The following ATG10 variants were observed in gnomAD, a reference collection of about 807,000 sequenced individuals.
ATG10 encodes the protein autophagy related 10.
A neutral mutation model predicts 32.1 loss-of-function variants in ATG10; 30 were observed. That is an observed-to-expected ratio of 0.94 (90% CI 0.70 to 1.27). ATG10 has a LOEUF of 1.27. Ranked by LOEUF, ATG10 falls within the 50% of genes most tolerant of loss-of-function variation. ATG10 has a pLI of 0.00. For missense variants in ATG10, 233 were observed against 262.3 expected (o/e 0.89, Z 0.77); for synonymous variants, 87 against 91.5 (o/e 0.95, Z 0.28).
At chr5:82,188,656 G>A (rs556252280) in intron 5 of ATG10, among the ~76,000 whole-genome samples, 53 of 152,250 alleles carry the variant, frequency 3.5e-4, no homozygotes, top group African/African-American at 1.3e-3. Context: ...GGAGCAGGTG[G>A]AGAAGCCTGG....
At chr5:82,164,662 G>T in intron 4 of ATG10, 125 bp downstream of exon 4, 1 of 951,282 alleles carries the variant, frequency 1.1e-6, no homozygotes, top group Non-Finnish European at 1.5e-6. Flanking sequence ...TGTGGGTGAG[G>T]TAAGGTTTTA....
At chr5:82,025,398 T>A (rs558839370) in intron 2 of ATG10, among the ~76,000 whole-genome samples, 96 of 152,196 alleles carry the variant, frequency 6.3e-4, no homozygotes, top group African/African-American at 2.1e-3. Flanking sequence ...CTTATGAGGG[T>A]GGGGTGTGCT....
At chr5:82,169,219 G>A (rs1743708610) in intron 4 of ATG10, among the ~76,000 whole-genome samples, 1 of 151,732 alleles carries the variant, frequency 6.6e-6, no homozygotes, top group African/African-American at 2.4e-5. Flanking sequence ...AAAAGTGAAA[G>A]AGTTTGAGCA....
chr5:82,242,727 CA>C, intron 5 of ATG10: 1 of 348,866 alleles, frequency 2.9e-6, no homozygotes, highest in Non-Finnish European at 5.6e-6. Context: ...TTTATACCTA[CA>C]AAAACCTATT....
intron 2 of ATG10, among the ~76,000 whole-genome samples, chr5:82,008,581 A>G (rs1762043746): frequency 6.6e-6 from 1 of 152,232 alleles, no homozygotes; most frequent in Admixed American, 6.5e-5. Flanking sequence ...TAAATGAAAA[A>G]TTTTAAAATG....
At chr5:82,241,548 C>T (rs1164430815) in intron 5 of ATG10, among the ~76,000 whole-genome samples, 2 of 152,142 alleles carry the variant, frequency 1.3e-5, no homozygotes, top group Admixed American at 1.3e-4. Flanking sequence ...TTTCACCTGA[C>T]CAACCACACT....
At chr5:82,098,485 T>C (rs1581687912) in intron 3 of ATG10, among the ~76,000 whole-genome samples, 1 of 151,818 alleles carries the variant, frequency 6.6e-6, no homozygotes. Context: ...TAATTTTTGT[T>C]TTTTTAGTAG....
At chr5:82,240,088 A>G (rs1199639287) in intron 5 of ATG10, among the ~76,000 whole-genome samples, 3 of 152,218 alleles carry the variant, frequency 2.0e-5, no homozygotes, top group Non-Finnish European at 2.9e-5. Flanking sequence ...AAGTTAGCAC[A>G]GCCACTATGG....
At chr5:82,109,949 A>G (rs950198022) in intron 3 of ATG10, among the ~76,000 whole-genome samples, 3 of 103,140 alleles carry the variant, frequency 2.9e-5, no homozygotes, top group African/African-American at 9.1e-5. Context: ...GCTATCCCCC[A>G]TCCCCCCACC....
chr5:82,088,953 G>A (rs1663750980), intron 3 of ATG10, among the ~76,000 whole-genome samples: 1 of 151,950 alleles, frequency 6.6e-6, no homozygotes, highest in African/African-American at 2.4e-5. Context: ...TATATGAAAA[G>A]GCAAAGGAAC....
chr5:82,042,542 A>C (rs552586836), intron 2 of ATG10, among the ~76,000 whole-genome samples: 2 of 152,218 alleles, frequency 1.3e-5, no homozygotes, highest in East Asian at 3.8e-4. Flanking sequence ...ACATTAATTC[A>C]AAAGTCCAGA....
intron 2 of ATG10, among the ~76,000 whole-genome samples, chr5:82,029,964 T>C (rs1325252808): frequency 6.6e-6 from 1 of 152,156 alleles, no homozygotes; most frequent in Non-Finnish European, 1.5e-5. Context: ...GTCACATGTA[T>C]TGGTGGCAGA....
chr5:82,253,481 C>G, intron 7 of ATG10, 52 bp downstream of exon 7: 2 of 1,233,768 alleles, frequency 1.6e-6, no homozygotes, highest in Admixed American at 1.7e-5. Context: ...ATCAATGTCT[C>G]CATTGCATTT....
At position 82,082,405 on chromosome 5, in the gene ATG10, T is replaced by A. The variant is rs1311432138; in HGVS notation, c.216+23803T>A. ...TACTTTCTTATATCTTCAAAATTTG[T>A]TAAACCCAGAAATATCTCAGTAAAT... On this transcript the variant is annotated intron_variant, in intron 3 of 7. Coordinates refer to ENST00000282185, the MANE Select transcript of ATG10 (RefSeq NM_031482.5). 2.0e-5 allele frequency among the ~76,000 whole-genome samples: 3 copies of A among 152,204 alleles called. No individual in the cohort carries two copies. The East Asian group carries it at 5.8e-4, about 29-fold the overall frequency.
chr5:81,991,966 A>G (rs1761477277), intron 2 of ATG10: 1 of 152,090 alleles, frequency 6.6e-6, no homozygotes, highest in Non-Finnish European at 1.5e-5. Context: ...AGCTGGGACC[A>G]CAAATGTGCA....
intron 2 of ATG10, among the ~76,000 whole-genome samples, chr5:81,995,090 C>T (rs543171080): frequency 6.6e-6 from 1 of 151,926 alleles, no homozygotes. Flanking sequence ...GAGATGCAAC[C>T]TTTGAGGATA....
intron 3 of ATG10, among the ~76,000 whole-genome samples, chr5:82,066,404 C>T (rs1235655353): frequency 6.6e-6 from 1 of 152,074 alleles, no homozygotes; most frequent in East Asian, 1.9e-4. Context: ...ATTTACTATC[C>T]TTATTACTTC....
At chr5:82,194,062 A>C (rs1251305481) in intron 5 of ATG10, among the ~76,000 whole-genome samples, 1 of 152,180 alleles carries the variant, frequency 6.6e-6, no homozygotes, top group Non-Finnish European at 1.5e-5. Context: ...TAAAATCATC[A>C]TTTCTTGTAC....
intron 1 of ATG10, among the ~76,000 whole-genome samples, chr5:81,979,689 CTTTTTT>C (rs35202555): frequency 1.6e-5 from 2 of 123,822 alleles, no homozygotes; most frequent in African/African-American, 3.0e-5. Context: ...GTAGGTAAAC[CTTTTTT>C]TTTTTTTTTT....
Sources: gnomAD v4.1 joint callset for allele counts (sites outside exome capture counted in the v4.1 genomes callset) on GRCh38, gnomAD v4.1.1 for gene constraint, MANE v1.5 for transcripts, NCBI Gene and HGNC (gene_info 2026-07-23, HGNC 2026-07-21) for gene names.